TTC34: variants seen among roughly 807,000 people sequenced by gnomAD.
TTC34 encodes the protein tetratricopeptide repeat domain 34.
Under a neutral mutation model 40.7 loss-of-function variants are expected in TTC34, and 44 were observed. That is an observed-to-expected ratio of 1.08 (90% CI 0.85 to 1.39). TTC34 has a LOEUF of 1.39. Ranked by LOEUF, TTC34 falls within the 40% of genes most tolerant of loss-of-function variation. The probability of loss-of-function intolerance (pLI) is 0.00; values close to 1 mark genes in which losing one functional copy is unlikely to be tolerated. For missense variants in TTC34, 884 were observed against 838.0 expected (o/e 1.05, Z -0.68); for synonymous variants, 422 against 398.6 (o/e 1.06, Z -0.70).
At chr1:2,783,571 C>T (rs941436636) in intron 6 of TTC34, 38 bp downstream of exon 6, 4 of 1,333,364 alleles carry the variant, frequency 3.0e-6, no homozygotes, top group Admixed American at 3.2e-5. Flanking sequence ...GTCCCCCACC[C>T]GTGCTTGCCC....
In TTC34 at chr1:2,645,122, C is replaced by T. The variant is rs962057901; in HGVS notation, c.2497+171G>A. ...AGAGGAGAGCCTTTTGAACGCCAGG[C>T]CTCACACAGGGAGCAGGGCCAGAGG... On this transcript the variant is annotated intron_variant, in intron 7 of 8. Transcript: ENST00000401095. The surrounding 1 kb of genome is among the most constrained non-coding windows in gnomAD (Gnocchi z 4.7). 6.6e-6 allele frequency among the ~76,000 whole-genome samples: 1 copy of T among 152,170 alleles called. No individual in the cohort carries two copies. Among genetic ancestry groups the T allele is most frequent in the Non-Finnish European group, 1.5e-5 (1 of 68,038 alleles).
At chr1:2,797,311 C>CTGGGGGGCGGG (rs761900936) in intron 2 of TTC34, among the ~76,000 whole-genome samples, 3,823 of 152,096 alleles carry the variant, frequency 0.025, 160 homozygotes, top group African/African-American at 0.088. Context: ...GGGATGGGGG[C>CTGGGGGGCGGG]TGGGGCACGA....
chr1:2,687,784 A>T (rs1326631043), intron 6 of TTC34, among the ~76,000 whole-genome samples: 1 of 150,374 alleles, frequency 6.7e-6, no homozygotes, highest in Non-Finnish European at 1.5e-5. Context: ...CGAGCATCTG[A>T]CAGCCTGGGT....
rs1472295253 is a variant in TTC34 at position 2,795,446 on chromosome 1, CTCTG to C, written c.784+4594_784+4597del. ...CCTTGGTGATGGCTGTCAGCTGAGC[CTCTG>C]TCTGTGTGTTCTCTCACTGGTCATG... On this transcript the variant is annotated intron_variant, in intron 2 of 8. Coordinates refer to ENST00000401095, the Ensembl canonical transcript of TTC34. Among the ~76,000 whole-genome samples the C allele has an allele frequency of 3.3e-5, 5 of 152,162 alleles. No homozygotes were observed. The East Asian group carries it at 5.8e-4, about 18-fold the overall frequency.
chr1:2,794,937 C>T (rs72849590), intron 2 of TTC34, among the ~76,000 whole-genome samples: 2,543 of 152,090 alleles, frequency 0.017, 58 homozygotes, highest in African/African-American at 0.057. Flanking sequence ...TAATATTTGA[C>T]GAAATGTTGG....
At chr1:2,795,504 G>A (rs952854874) in intron 2 of TTC34, among the ~76,000 whole-genome samples, 1 of 152,200 alleles carries the variant, frequency 6.6e-6, no homozygotes, top group African/African-American at 2.4e-5. Context: ...GGCCCTGGGA[G>A]AATTCCAAGG....
chr1:2,781,433 T>C (rs1320729533), intron 6 of TTC34, among the ~76,000 whole-genome samples: 4 of 152,140 alleles, frequency 2.6e-5, no homozygotes, highest in African/African-American at 9.6e-5. Context: ...TTTTTTTTTG[T>C]GTGTGGAATC....
Position 2,789,493 on chromosome 1 carries a change from G to A in TTC34, c.1628+10C>T. The A allele has an allele frequency of 6.6e-7, 1 of 1,508,394 alleles. No individual in the cohort carries two copies. Among genetic ancestry groups the A allele is most frequent in the African/African-American group, 1.4e-5 (1 of 70,486 alleles). The allele number at this position is 1,508,394 out of a possible 1,614,324, so 93.4% of individuals were successfully genotyped here. A position where few individuals can be genotyped will look rare whatever the true frequency, so the allele number is the denominator to read the frequency against. On this transcript the variant is annotated intron_variant, in intron 3 of 8. Coordinates refer to ENST00000401095, the Ensembl canonical transcript of TTC34. ...AGCAGCGGCCCCAGCGTGCCCGGGCGGGTCCTCACCCCTCCTGCGTGGTGG... is the reference window on the plus strand; with the variant it reads ...AGCAGCGGCCCCAGCGTGCCCGGGCAGGTCCTCACCCCTCCTGCGTGGTGG...
At chr1:2,654,358 A>AAAGCACCCTG (rs1232422653) in intron 6 of TTC34, among the ~76,000 whole-genome samples, 1 of 147,904 alleles carries the variant, frequency 6.8e-6, no homozygotes, top group Non-Finnish European at 1.5e-5. Context: ...ACAGCCTGGA[A>AAAGCACCCTG]CAGGACCCTG....
chr1:2,801,170 C>T (rs891728912), intron 1 of TTC34, among the ~76,000 whole-genome samples: 5 of 152,162 alleles, frequency 3.3e-5, no homozygotes, highest in African/African-American at 9.7e-5. Flanking sequence ...GTGTCCATGT[C>T]GGGAGGGTTA....
rs1222041718 is a variant in TTC34, at chr1:2,677,979, G to C, written c.2227-32416C>G. Among the ~76,000 whole-genome samples the C allele has an allele frequency of 9.9e-5, 3 of 30,456 alleles. 1 individual carries two copies. The highest frequency in any genetic ancestry group is 5.5e-4 in the African/African-American group (3 of 5,424). The allele number at this position is 30,456 out of a possible 152,430, so 20.0% of individuals were successfully genotyped here. A position where few individuals can be genotyped will look rare whatever the true frequency, so the allele number is the denominator to read the frequency against. ...CCTGGAGCAGCAACCACACTCCCAG[G>C]CGAGCATCCGATGACCTGGAGCAGC... On this transcript the variant is annotated intron_variant, in intron 6 of 8. Coordinates refer to ENST00000401095, the Ensembl canonical transcript of TTC34.
chr1:2,681,819 C>T (rs1378944706), intron 6 of TTC34, among the ~76,000 whole-genome samples: 4 of 121,094 alleles, frequency 3.3e-5, no homozygotes, highest in Non-Finnish European at 5.7e-5. Context: ...GCGGCAACAC[C>T]GACACCCACA....
At chr1:2,674,962 C>T (rs1639844077) in intron 6 of TTC34, among the ~76,000 whole-genome samples, 1 of 130,550 alleles carries the variant, frequency 7.7e-6, no homozygotes, top group African/African-American at 2.8e-5. Context: ...CACCCATAGC[C>T]CATGGTGAGC....
chr1:2,757,491 G>A (rs1355262547), intron 6 of TTC34, among the ~76,000 whole-genome samples: 305 of 24,900 alleles, frequency 0.012, no homozygotes, highest in Admixed American at 0.023. Flanking sequence ...GCATCGGACA[G>A]CCTGGATCAG....
chr1:2,752,318 A>G (rs1175068096), intron 6 of TTC34, among the ~76,000 whole-genome samples: 8 of 87,204 alleles, frequency 9.2e-5, no homozygotes, highest in Middle Eastern at 7.6e-3. Context: ...ACAGCCTGGA[A>G]CAGCACGCAC....
chr1:2,683,679 G>T (rs1329086713), intron 6 of TTC34, among the ~76,000 whole-genome samples: 15 of 149,734 alleles, frequency 1.0e-4, no homozygotes, highest in African/African-American at 3.5e-4. Context: ...TGCACCCCCA[G>T]GTGACGATCT....
intron 6 of TTC34, among the ~76,000 whole-genome samples, chr1:2,768,220 TG>T (rs1416934796): frequency 6.6e-6 from 1 of 151,688 alleles, no homozygotes; most frequent in Non-Finnish European, 1.5e-5. Flanking sequence ...TGGGTGAGGA[TG>T]CTCACCTGAG....
At chr1:2,650,238 C>T (rs1220385465) in intron 6 of TTC34, among the ~76,000 whole-genome samples, 1 of 150,822 alleles carries the variant, frequency 6.6e-6, no homozygotes, top group Non-Finnish European at 1.5e-5. Flanking sequence ...ATCTGACAGC[C>T]TGGAATGGCA....
Position 2,645,596 on chromosome 1 carries a change from T to A in TTC34, c.2227-33A>T. 1 of 1,443,408 alleles carries A rather than the reference T, an allele frequency of 6.9e-7. No individual in the cohort carries two copies. Among genetic ancestry groups the A allele is most frequent in the Non-Finnish European group, 9.1e-7 (1 of 1,101,276 alleles). 89.4% of individuals were successfully genotyped at this position (1,443,408 alleles called of 1,614,324 possible). Reference sequence around the variant, plus strand: ...GAGGGAGGGCGGGCGGGTGCAGAGTTGTCCTAAGTAGAGAAACTGGGCAGA... The same window carrying A: ...GAGGGAGGGCGGGCGGGTGCAGAGTAGTCCTAAGTAGAGAAACTGGGCAGA... On this transcript the variant is annotated intron_variant, in intron 6 of 8. Transcript: ENST00000401095. This position sits in a 1 kb window ranked among gnomAD's most constrained non-coding sequence, Gnocchi z 4.7.
Sources: allele counts gnomAD v4.1 joint callset (sites outside exome capture counted in the v4.1 genomes callset), GRCh38; gene constraint gnomAD v4.1.1; non-coding constraint Gnocchi (gnomAD v3.1); transcripts MANE v1.5; gene names NCBI Gene and HGNC (gene_info 2026-07-23, HGNC 2026-07-21).